CRK: variants seen among roughly 807,000 people sequenced by gnomAD.
CRK encodes the protein adapter molecule crk.
Under a neutral mutation model 29.8 loss-of-function variants are expected in CRK, and 4 were observed. The observed-to-expected ratio is 0.13, with a 90% CI of 0.07 to 0.31. The LOEUF is 0.31. Among genes scored for constraint, CRK ranks in the 10% least tolerant of loss-of-function variants. CRK has a pLI of 1.00. For missense variants in CRK, 274 were observed against 396.5 expected, an observed-to-expected ratio of 0.69 and a Z score of 2.62; for synonymous variants, 153 against 164.9, an observed-to-expected ratio of 0.93 and a Z score of 0.55.
chr17:1,454,370 G>A (rs1308711432), intron 1 of CRK, among the ~76,000 whole-genome samples: 3 of 152,188 alleles, frequency 2.0e-5, no homozygotes, highest in South Asian at 2.1e-4. Flanking sequence ...GTGAAACTTC[G>A]TCTCTACGAA....
Position 1,436,700 on chromosome 17 carries a change from G to C in CRK, c.697C>G (p.Leu233Val), listed in dbSNP as rs1225277427. The C allele has an allele frequency of 1.2e-6, 2 of 1,612,264 alleles. No homozygotes were observed. The highest frequency in any genetic ancestry group is 8.5e-7 in the Non-Finnish European group (1 of 1,179,312). ...CTGGCATATATGGGCCCATTCTGGA[G>C]GTTAGGGAGCGGAGTGTTGACGCTG... is the stretch of plus-strand genomic sequence containing the variant. Reference protein sequence around the residue: ...QPSVNTPLPNLQNGPIYARVI... With the variant: ...QPSVNTPLPNVQNGPIYARVI... The change falls in exon 2 of 3, where the codon CTC becomes GTC. Residue 233 changes from leucine (L) to valine (V), a missense_variant. Transcript: ENST00000300574.
intron 2 of CRK, among the ~76,000 whole-genome samples, chr17:1,428,030 C>T (rs955884180): frequency 1.3e-5 from 2 of 151,956 alleles, no homozygotes; most frequent in African/African-American, 4.8e-5. Flanking sequence ...GGACCAGCCC[C>T]ACCCCTTGCT....
At position 1,427,525 on chromosome 17, in the gene CRK, G is replaced by A. The variant is rs180838860; in HGVS notation, c.778-3875C>T. Among the ~76,000 whole-genome samples, 1,006 of 151,264 alleles carry A rather than the reference G, an allele frequency of 6.7e-3. 16 individuals carry two copies. The highest frequency in any genetic ancestry group is 0.023 in the African/African-American group (952 of 41,264). On this transcript the variant is annotated intron_variant, in intron 2 of 2. Transcript: ENST00000300574. ...GGAGAATGGTGTGAACCCAGGAGGC[G>A]GAGCTTGCAGTGAGCCGAGATCACG...
chr17:1,443,377 T>G (rs1166154771), intron 1 of CRK, among the ~76,000 whole-genome samples: 2 of 151,840 alleles, frequency 1.3e-5, no homozygotes, highest in African/African-American at 4.8e-5. Context: ...ACACAGCTAA[T>G]TTTTGTATTT....
rs936818635 is a variant in CRK at position 1,437,389 on chromosome 17, T to A, written c.242-234A>T. ...TCATGCATGCCTCATACACATTTAG[T>A]CAAGATTTAATCAGCAAAAAAAACT... On this transcript the variant is annotated intron_variant, in intron 1 of 2. Transcript: ENST00000300574. Among the ~76,000 whole-genome samples the A allele has an allele frequency of 2.0e-5, 3 of 151,762 alleles. 1 individual carries two copies. The highest frequency in any genetic ancestry group is 4.2e-4 in the South Asian group (2 of 4,810).
chr17:1,443,691 G>A (rs1299134641), intron 1 of CRK, among the ~76,000 whole-genome samples: 2 of 150,376 alleles, frequency 1.3e-5, no homozygotes, highest in African/African-American at 4.9e-5. Context: ...GAGCCACCGC[G>A]CCCAGCCCCA....
At chr17:1,433,423 TCTCTTCCAAC>T (rs1415729781) in intron 2 of CRK, among the ~76,000 whole-genome samples, 5 of 151,202 alleles carry the variant, frequency 3.3e-5, no homozygotes, top group African/African-American at 1.2e-4. Context: ...ACAGGAGCCT[TCTCTTCCAAC>T]CTCCTAGGCT....
intron 2 of CRK, among the ~76,000 whole-genome samples, chr17:1,429,899 T>G (rs1379309346): frequency 6.6e-6 from 1 of 151,104 alleles, no homozygotes; most frequent in African/African-American, 2.4e-5. Flanking sequence ...CACCCTTGCT[T>G]GGGGAACAGA....
chr17:1,436,545 G>A, intron 2 of CRK, 75 bp downstream of exon 2: 1 of 1,461,058 alleles, frequency 6.8e-7, no homozygotes, highest in South Asian at 1.4e-5. Flanking sequence ...AGTCAGCATT[G>A]CTACAAAGCT....
chr17:1,434,975 ATC>A (rs1211867921), intron 2 of CRK, among the ~76,000 whole-genome samples: 6 of 152,200 alleles, frequency 3.9e-5, no homozygotes, highest in Non-Finnish European at 8.8e-5. Flanking sequence ...GCATGATTAA[ATC>A]TCTGAGAAAG....
At chr17:1,437,960 C>G (rs1170378345) in intron 1 of CRK, among the ~76,000 whole-genome samples, 1 of 151,974 alleles carries the variant, frequency 6.6e-6, no homozygotes, top group Admixed American at 6.6e-5. Flanking sequence ...GCTACTGCGC[C>G]TGGCCTGCAT....
chr17:1,437,146 G>A lies in CRK; in HGVS notation c.251C>T (p.Pro84Leu), dbSNP rs747960532. The A allele has an allele frequency of 8.7e-6, 14 of 1,601,200 alleles. No homozygotes were observed. The change falls in exon 2 of 3, where the codon CCC becomes CTC. Residue 84 changes from proline to leucine, a missense_variant. This residue lies in a region of CRK where 135 missense variants were observed against 180.9 expected (regional missense o/e 0.75). Coordinates refer to ENST00000300574, the MANE Select transcript of CRK (RefSeq NM_016823.4). ...SPAQPPPGVS[P>L]SRLRIGDQEF... Reference sequence around the variant, plus strand: ...TTGATCTCCTATTCGGAGTCTGGAGGGGCTCACCCCTGGAAAAAACAGAGC... The same window carrying A: ...TTGATCTCCTATTCGGAGTCTGGAGAGGCTCACCCCTGGAAAAAACAGAGC...
At chr17:1,430,600 C>T (rs1041336589) in intron 2 of CRK, among the ~76,000 whole-genome samples, 5 of 136,274 alleles carry the variant, frequency 3.7e-5, no homozygotes, top group Non-Finnish European at 6.3e-5. Context: ...TTCCTGACCT[C>T]GTGATCCGCC....
At chr17:1,432,756 A>G (rs1179828444) in intron 2 of CRK, among the ~76,000 whole-genome samples, 2 of 151,334 alleles carry the variant, frequency 1.3e-5, no homozygotes, top group Non-Finnish European at 3.0e-5. Flanking sequence ...CAGCCTGGGC[A>G]ACAAAGCGAG....
Position 1,422,588 on chromosome 17 carries a change from A to C in CRK, c.*925T>G. The C allele has an allele frequency of 4.7e-6, 1 of 211,300 alleles. No homozygotes were observed. Among genetic ancestry groups the C allele is most frequent in the Non-Finnish European group, 9.3e-6 (1 of 107,620 alleles). The allele number at this position is 211,300 out of a possible 1,614,324, so 13.1% of individuals were successfully genotyped here. ...CCCAAAACCTTCCACAGAATATCAGAGGTGATTGGTCCTTCCACTCTTGAG... is the reference window on the plus strand; with the variant it reads ...CCCAAAACCTTCCACAGAATATCAGCGGTGATTGGTCCTTCCACTCTTGAG... On this transcript the variant is annotated 3_prime_UTR_variant, in exon 3 of 3. Coordinates refer to ENST00000300574, the MANE Select transcript of CRK (RefSeq NM_016823.4).
rs567646167 is a variant in CRK, at chr17:1,445,097, A to G, written c.242-7942T>C. Among the ~76,000 whole-genome samples the G allele has an allele frequency of 1.5e-3, 224 of 151,904 alleles. 1 individual carries two copies. The highest frequency in any genetic ancestry group is 5.0e-3 in the African/African-American group (206 of 41,430). Reference sequence around the variant, plus strand: ...TGGGAGGCAGAGCTTGCAGTGAGCCAAGATCGCGCCACTGTACTCCAGCCT... The same window carrying G: ...TGGGAGGCAGAGCTTGCAGTGAGCCGAGATCGCGCCACTGTACTCCAGCCT... On this transcript the variant is annotated intron_variant, in intron 1 of 2. Coordinates refer to ENST00000300574, the MANE Select transcript of CRK (RefSeq NM_016823.4).
At chr17:1,439,076 G>A (rs183469785) in intron 1 of CRK, among the ~76,000 whole-genome samples, 3 of 151,970 alleles carry the variant, frequency 2.0e-5, no homozygotes, top group South Asian at 4.2e-4. Context: ...TTAGGATTTC[G>A]GCTTCCCCAA....
Position 1,456,186 on chromosome 17 carries a change from G to A in CRK, c.-69C>T. The A allele has an allele frequency of 1.8e-5, 25 of 1,364,912 alleles. 1 individual carries two copies. The highest frequency in any genetic ancestry group is 2.4e-5 in the Non-Finnish European group (25 of 1,063,690). 84.6% of individuals were successfully genotyped at this position (1,364,912 alleles called of 1,614,324 possible). On this transcript the variant is annotated 5_prime_UTR_variant, in exon 1 of 3. Coordinates refer to ENST00000300574, the MANE Select transcript of CRK (RefSeq NM_016823.4). ...GCCCCTCCGGCCCCCGGCGCCCGCC[G>A]CCCAGCGGACCGGCTCCGGTTTCAG...
At chr17:1,425,286 G>T (rs2073767807) in intron 2 of CRK, among the ~76,000 whole-genome samples, 1 of 151,698 alleles carries the variant, frequency 6.6e-6, no homozygotes, top group African/African-American at 2.4e-5. Flanking sequence ...TAGAGATGGG[G>T]TTTCACCATG....
Sources: gnomAD v4.1 joint callset for allele counts (sites outside exome capture counted in the v4.1 genomes callset) on GRCh38, gnomAD v4.1.1 for gene constraint, gnomAD v4.1.1 regional missense constraint, MANE v1.5 for transcripts, NCBI Gene and HGNC (gene_info 2026-07-23, HGNC 2026-07-21) for gene names.